Variants in ADIPOR2 observed in about 807,000 individuals in gnomAD.
The protein encoded by ADIPOR2 is adiponectin receptor protein 2.
A neutral mutation model predicts 40.9 loss-of-function variants in ADIPOR2; 18 were observed. The observed-to-expected ratio is 0.44, with a 90% CI of 0.30 to 0.65. ADIPOR2 has a LOEUF of 0.65. ADIPOR2 is among the 30% of genes least tolerant of loss of function. The pLI, the probability that ADIPOR2 is intolerant of heterozygous loss-of-function variation, is 0.09. For missense variants in ADIPOR2, 283 were observed against 479.2 expected, an observed-to-expected ratio of 0.59 and a Z score of 3.82; for synonymous variants, 165 against 166.4, an observed-to-expected ratio of 0.99 and a Z score of 0.06.
intron 1 of ADIPOR2, among the ~76,000 whole-genome samples, chr12:1,749,661 T>G (rs948095933): frequency 6.6e-6 from 1 of 152,188 alleles, no homozygotes; most frequent in African/African-American, 2.4e-5. Flanking sequence ...TTTAGCTATT[T>G]TGGAGCTTTG....
chr12:1,706,696 C>A (rs930768809), intron 1 of ADIPOR2, among the ~76,000 whole-genome samples: 1 of 152,170 alleles, frequency 6.6e-6, no homozygotes, highest in Non-Finnish European at 1.5e-5. Flanking sequence ...ATAACCATCA[C>A]CCTAATCAAG....
intron 2 of ADIPOR2, among the ~76,000 whole-genome samples, chr12:1,762,900 T>C (rs569415061): frequency 1.8e-3 from 271 of 152,362 alleles, no homozygotes; most frequent in South Asian, 4.8e-3. Flanking sequence ...AAGTGCGATA[T>C]GGCAATTTCA....
At chr12:1,747,655 G>A (rs190766547) in intron 1 of ADIPOR2, among the ~76,000 whole-genome samples, 72 of 151,844 alleles carry the variant, frequency 4.7e-4, no homozygotes, top group South Asian at 1.2e-3. Flanking sequence ...GGTCTGTTTC[G>A]CCTTCAGTTT....
intron 1 of ADIPOR2, among the ~76,000 whole-genome samples, chr12:1,747,944 G>T (rs2094759356): frequency 6.6e-6 from 1 of 151,978 alleles, no homozygotes; most frequent in Non-Finnish European, 1.5e-5. Context: ...GAGTTTCCTG[G>T]ATGTGTGGTT....
intron 1 of ADIPOR2, among the ~76,000 whole-genome samples, chr12:1,750,561 C>T (rs1428401588): frequency 2.6e-5 from 4 of 152,078 alleles, no homozygotes. Flanking sequence ...GAGTGAGACC[C>T]TGTGTCTCTA....
At chr12:1,730,174 T>C (rs2094716845) in intron 1 of ADIPOR2, among the ~76,000 whole-genome samples, 1 of 151,966 alleles carries the variant, frequency 6.6e-6, no homozygotes, top group Non-Finnish European at 1.5e-5. Flanking sequence ...TAATTAGATA[T>C]ACCCCTTAGG....
intron 1 of ADIPOR2, among the ~76,000 whole-genome samples, chr12:1,694,908 A>G (rs1412715850): frequency 1.3e-5 from 2 of 152,082 alleles, no homozygotes; most frequent in African/African-American, 4.8e-5. Context: ...TATTGCAAAC[A>G]TCTTGCATTA....
At position 1,729,292 on chromosome 12, in the gene ADIPOR2, G is replaced by A. The variant is rs78604661; in HGVS notation, c.-86-24966G>A. Among the ~76,000 whole-genome samples the A allele has an allele frequency of 5.2e-3, 790 of 152,008 alleles. 4 individuals are homozygous for A. Among genetic ancestry groups the A allele is most frequent in the Non-Finnish European group, 8.0e-3 (545 of 67,974 alleles). On this transcript the variant is annotated intron_variant, in intron 1 of 7. Transcript: ENST00000357103. ...TGTGTTACTTAGTTTTTGGAGAAAG[G>A]AAATATTTCTAGACTTTCTTGACTT...
intron 1 of ADIPOR2, among the ~76,000 whole-genome samples, chr12:1,699,064 T>C (rs1277272958): frequency 6.6e-6 from 1 of 152,172 alleles, no homozygotes; most frequent in East Asian, 1.9e-4. Context: ...GCTTGGCTCT[T>C]GAAAGCATAT....
chr12:1,759,836 C>T (rs1862229898), intron 2 of ADIPOR2, among the ~76,000 whole-genome samples: 1 of 152,104 alleles, frequency 6.6e-6, no homozygotes, highest in African/African-American at 2.4e-5. Context: ...ACCAGCGTGT[C>T]CATCATGCTG....
intron 2 of ADIPOR2, among the ~76,000 whole-genome samples, chr12:1,772,437 A>G (rs1009154237): frequency 2.0e-5 from 3 of 152,212 alleles, no homozygotes; most frequent in Admixed American, 6.5e-5. Context: ...TTTCTCTGCC[A>G]CTAGAGTACT....
At position 1,777,889 on chromosome 12, in the gene ADIPOR2, T is replaced by C; in HGVS notation, c.327T>C (p.Asp109=). 6.2e-7 allele frequency: 1 copy of C among 1,613,960 alleles called. No individual in the cohort carries two copies. The highest frequency in any genetic ancestry group is 1.7e-4 in the Middle Eastern group (1 of 6,058). Residue 109 remains aspartate, a synonymous_variant, in exon 4 of 8, where the codon GAT becomes GAC. Coordinates refer to ENST00000357103, the MANE Select transcript of ADIPOR2 (RefSeq NM_024551.3). ...GTCGGTGGCGAGTGATCCCTCATGA[T>C]GTACTACCAGACTGGCTCAAGGATA... is the stretch of plus-strand genomic sequence containing the variant. The part of the protein sequence containing the change: ...WEGRWRVIPH[D]VLPDWLKDND...
At chr12:1,695,011 G>GTTTTTTT (rs199627849) in intron 1 of ADIPOR2, among the ~76,000 whole-genome samples, 4 of 128,330 alleles carry the variant, frequency 3.1e-5, no homozygotes, top group Non-Finnish European at 4.9e-5. Flanking sequence ...TTGTGTTGCA[G>GTTTTTTT]TTTTTTTTTT....
At chr12:1,693,019 G>T (rs1010701403) in intron 1 of ADIPOR2, among the ~76,000 whole-genome samples, 2 of 152,092 alleles carry the variant, frequency 1.3e-5, no homozygotes, top group African/African-American at 2.4e-5. Flanking sequence ...GCCGGGTGTG[G>T]TGGCGCACTC....
chr12:1,786,184 T>C lies in ADIPOR2; in HGVS notation c.*112T>C, dbSNP rs1320140316. On this transcript the variant is annotated 3_prime_UTR_variant, in exon 8 of 8. Coordinates refer to ENST00000357103, the MANE Select transcript of ADIPOR2 (RefSeq NM_024551.3). ...GAGGAGCCCCAAAACTTTGACAGCC[T>C]CGTGGGCTTTGTGACGGCCCAGTGG... 6 of 1,438,644 alleles carry C rather than the reference T, an allele frequency of 4.2e-6. No individual in the cohort carries two copies. In the East Asian group the frequency reaches 6.9e-5, roughly 17 times the overall value. The allele number at this position is 1,438,644 out of a possible 1,614,324, so 89.1% of individuals were successfully genotyped here.
intron 1 of ADIPOR2, among the ~76,000 whole-genome samples, chr12:1,701,101 A>G (rs1438090910): frequency 6.6e-6 from 1 of 151,350 alleles, no homozygotes. Flanking sequence ...CCAGAAGTTA[A>G]CTATTATTCT....
chr12:1,749,179 T>C (rs888537803), intron 1 of ADIPOR2, among the ~76,000 whole-genome samples: 3 of 152,214 alleles, frequency 2.0e-5, no homozygotes, highest in Non-Finnish European at 4.4e-5. Context: ...TGTGAAACTT[T>C]CATGTCCTCC....
At chr12:1,704,138 A>G (rs2094657138) in intron 1 of ADIPOR2, among the ~76,000 whole-genome samples, 1 of 141,062 alleles carries the variant, frequency 7.1e-6, no homozygotes. Context: ...CAATAACCAT[A>G]TTACTGTTAA....
chr12:1,708,014 G>A (rs565033899), intron 1 of ADIPOR2, among the ~76,000 whole-genome samples: 3 of 150,630 alleles, frequency 2.0e-5, no homozygotes, highest in African/African-American at 4.9e-5. Context: ...CAGATTTAAC[G>A]AATCTAAGAT....
Sources: gnomAD v4.1 joint callset for allele counts (sites outside exome capture counted in the v4.1 genomes callset) on GRCh38, gnomAD v4.1.1 for gene constraint, MANE v1.5 for transcripts, NCBI Gene and HGNC (gene_info 2026-07-23, HGNC 2026-07-21) for gene names.